CSMD1: variants seen among roughly 807,000 people sequenced by gnomAD.
CSMD1 encodes the protein CUB and Sushi multiple domains 1.
Under a neutral mutation model 417.5 loss-of-function variants are expected in CSMD1, and 213 were observed. The ratio of observed to expected loss-of-function variants is 0.51; its 90% CI spans 0.46 to 0.57. The LOEUF (loss-of-function observed/expected upper bound fraction) is 0.57. Ranked by LOEUF, CSMD1 falls within the 20% of genes least tolerant of loss-of-function variation. CSMD1 has a pLI of 0.00. For missense variants in CSMD1, 6,923 were observed against 4,529.7 expected (o/e 1.53, Z -15.17); for synonymous variants, 2,862 against 1,736.8 (o/e 1.65, Z -16.11).
At chr8:3,470,042 G>A (rs753279133) in intron 11 of CSMD1, among the ~76,000 whole-genome samples, 1 of 151,946 alleles carries the variant, frequency 6.6e-6, no homozygotes. Context: ...CTAACTCTAT[G>A]AATTTTTACA....
intron 12 of CSMD1, among the ~76,000 whole-genome samples, chr8:3,420,896 C>T (rs1813446588): frequency 6.6e-6 from 1 of 152,058 alleles, no homozygotes; most frequent in Non-Finnish European, 1.5e-5. Context: ...TGAGAAAAAT[C>T]ACTCTTTCCT....
In CSMD1 at chr8:3,568,677, G is replaced by A. The variant is rs552464019; in HGVS notation, c.1344+6268C>T. Among the ~76,000 whole-genome samples, 10 of 152,044 alleles carry A rather than the reference G, an allele frequency of 6.6e-5. No homozygotes were observed. In the South Asian group the frequency reaches 2.1e-3, roughly 32 times the overall value. On this transcript the variant is annotated intron_variant, in intron 10 of 69. Transcript: ENST00000635120. ...AGAACACACACCTCTCATTCCAGCTGATATACTGTATATGTGTATATATAG... is the reference window on the plus strand; with the variant it reads ...AGAACACACACCTCTCATTCCAGCTAATATACTGTATATGTGTATATATAG...
chr8:4,787,655 G>A (rs1319146945), intron 1 of CSMD1: 6 of 1,586,866 alleles, frequency 3.8e-6, no homozygotes, highest in Admixed American at 3.3e-5. Context: ...AAATCCTGGT[G>A]TCAAGGAAGG....
At chr8:4,810,986 T>C (rs759052829) in intron 1 of CSMD1, among the ~76,000 whole-genome samples, 28 of 152,174 alleles carry the variant, frequency 1.8e-4, no homozygotes, top group Non-Finnish European at 3.2e-4. Context: ...AAAGAGATAT[T>C]TGTTGTAAGA....
At chr8:3,133,001 C>G (rs139892831) in intron 41 of CSMD1, among the ~76,000 whole-genome samples, 1,637 of 152,334 alleles carry the variant, frequency 0.011, 11 homozygotes, top group Middle Eastern at 0.044. Context: ...GAACCTCTCC[C>G]ACTTGGCCTC....
At position 4,593,248 on chromosome 8, in the gene CSMD1, G is replaced by A. The variant is rs532142267; in HGVS notation, c.302+44094C>T. 9.9e-5 allele frequency among the ~76,000 whole-genome samples: 15 copies of A among 152,264 alleles called. 1 individual carries two copies. The highest frequency in any genetic ancestry group is 7.2e-4 in the Admixed American group (11 of 15,284). On this transcript the variant is annotated intron_variant, in intron 2 of 69. Coordinates refer to ENST00000635120, the MANE Select transcript of CSMD1 (RefSeq NM_033225.6). ...GAAAAGCAAGGTTAATGGAATTTCC[G>A]CAGGAACATGAGCGTTAATATGATT...
intron 4 of CSMD1, among the ~76,000 whole-genome samples, chr8:4,030,260 G>A (rs2554572): frequency 6.6e-6 from 1 of 151,998 alleles, no homozygotes; most frequent in Non-Finnish European, 1.5e-5. Flanking sequence ...TTTCCCTCCT[G>A]CACTGCCCTA....
chr8:3,365,001 C>T (rs1809459335), intron 20 of CSMD1, among the ~76,000 whole-genome samples: 1 of 152,176 alleles, frequency 6.6e-6, no homozygotes, highest in Admixed American at 6.5e-5. Context: ...CTGTAACAGA[C>T]TTGCGTCACT....
chr8:3,640,723 A>C (rs979166567), intron 7 of CSMD1, among the ~76,000 whole-genome samples: 1 of 152,198 alleles, frequency 6.6e-6, no homozygotes, highest in Non-Finnish European at 1.5e-5. Context: ...TGTAGAAACC[A>C]TGTTGTCCCT....
intron 58 of CSMD1, 119 bp downstream of exon 58, chr8:2,966,451 C>CT: frequency 1.1e-6 from 1 of 928,848 alleles, no homozygotes; most frequent in Non-Finnish European, 1.6e-6. Flanking sequence ...ATAGTTTTCC[C>CT]TTTTTTCCTC....
Position 4,497,818 on chromosome 8 carries a change from C to G in CSMD1, c.303-77753G>C, listed in dbSNP as rs376748065. Among the ~76,000 whole-genome samples, 15 of 152,260 alleles carry G rather than the reference C, an allele frequency of 9.9e-5. No homozygotes were observed. The East Asian group carries it at 1.7e-3, about 18-fold the overall frequency. ...AAAGATTGGTAGCAAGCACAGCTGTCCAGAATCAACGGTAGAAAAATAATT... is the reference window on the plus strand; with the variant it reads ...AAAGATTGGTAGCAAGCACAGCTGTGCAGAATCAACGGTAGAAAAATAATT... On this transcript the variant is annotated intron_variant, in intron 2 of 69. Coordinates refer to ENST00000635120, the MANE Select transcript of CSMD1 (RefSeq NM_033225.6).
chr8:3,159,579 T>C (rs1017746653), intron 38 of CSMD1, among the ~76,000 whole-genome samples: 4 of 152,226 alleles, frequency 2.6e-5, no homozygotes, highest in African/African-American at 9.6e-5. Context: ...GTTCCAAATA[T>C]ATTAAAGTGT....
At chr8:3,179,003 A>T (rs948074868) in intron 37 of CSMD1, among the ~76,000 whole-genome samples, 3 of 146,658 alleles carry the variant, frequency 2.0e-5, no homozygotes, top group Non-Finnish European at 4.5e-5. Context: ...GCTGGAGTGC[A>T]GTGGCGCGAT....
chr8:3,572,213 C>G (rs79811324), intron 10 of CSMD1, among the ~76,000 whole-genome samples: 2 of 152,064 alleles, frequency 1.3e-5, no homozygotes, highest in Non-Finnish European at 2.9e-5. Context: ...TGGGAGCCCC[C>G]TCTCAGTCCA....
chr8:4,542,094 T>C (rs75987747), intron 2 of CSMD1, among the ~76,000 whole-genome samples: 2,111 of 152,206 alleles, frequency 0.014, 67 homozygotes, highest in African/African-American at 0.049. Context: ...AAGTGAAATA[T>C]ATGCTCATTT....
chr8:3,762,644 C>T (rs746104482), intron 5 of CSMD1, among the ~76,000 whole-genome samples: 26 of 152,214 alleles, frequency 1.7e-4, no homozygotes, highest in Admixed American at 5.2e-4. Context: ...AAGGTATAAT[C>T]GCCCTGCTGA....
chr8:4,565,806 A>C, intron 2 of CSMD1, among the ~76,000 whole-genome samples: 1 of 136,452 alleles, frequency 7.3e-6, no homozygotes, highest in Non-Finnish European at 1.6e-5. Flanking sequence ...ATGTATACAT[A>C]TATATATTAT....
chr8:3,540,221 A>C (rs999938288), intron 10 of CSMD1, among the ~76,000 whole-genome samples: 4 of 152,228 alleles, frequency 2.6e-5, no homozygotes, highest in Admixed American at 2.6e-4. Context: ...CTTATTAAAC[A>C]ATGAATTTTA....
chr8:3,820,050 C>A (rs139236460), intron 5 of CSMD1, among the ~76,000 whole-genome samples: 1 of 152,166 alleles, frequency 6.6e-6, no homozygotes, highest in Non-Finnish European at 1.5e-5. Context: ...AAATCTCATT[C>A]GAGTACATTT....
Sources: gnomAD v4.1 joint callset for allele counts (sites outside exome capture counted in the v4.1 genomes callset) on GRCh38, gnomAD v4.1.1 for gene constraint, MANE v1.5 for transcripts, NCBI Gene and HGNC (gene_info 2026-07-23, HGNC 2026-07-21) for gene names.